NSD3: variants seen among roughly 807,000 people sequenced by gnomAD.
The protein encoded by NSD3 is nuclear receptor binding SET domain protein 3, also known as histone-lysine N-methyltransferase NSD3.
In NSD3, 24 loss-of-function variants were observed where a neutral mutation model predicts 160.8. The observed-to-expected ratio is 0.15, with a 90% confidence interval of 0.11 to 0.21. NSD3 has a LOEUF of 0.21. Ranked by LOEUF, NSD3 falls within the 10% of genes least tolerant of loss-of-function variation. The pLI is 1.00. For synonymous variants in NSD3, 520 were observed against 600.0 expected (o/e 0.87, Z 1.95); for missense variants, 1,157 against 1,735.9 (o/e 0.67, Z 5.93).
chr8:38,334,502 C>A (rs1810158058), intron 4 of NSD3, among the ~76,000 whole-genome samples: 1 of 152,144 alleles, frequency 6.6e-6, no homozygotes, highest in African/African-American at 2.4e-5. Context: ...CGCCTTTAAT[C>A]CCAGCACTTT....
Position 38,318,073 on chromosome 8 carries a change from T to C in NSD3, c.1855+822A>G. 1 of 1,613,168 alleles carries C rather than the reference T, an allele frequency of 6.2e-7. No individual in the cohort carries two copies. The highest frequency in any genetic ancestry group is 8.5e-7 in the Non-Finnish European group (1 of 1,179,572). On this transcript the variant is annotated intron_variant, in intron 9 of 23. Transcript: ENST00000317025. This position sits in a 1 kb window ranked among gnomAD's most constrained non-coding sequence, Gnocchi z 5.3. Reference sequence around the variant, plus strand: ...GGTGGAAACACAACGCAATCAGGCCTCCTAATCTCGCAGCGATCGCGATGT... The same window carrying C: ...GGTGGAAACACAACGCAATCAGGCCCCCTAATCTCGCAGCGATCGCGATGT...
chr8:38,347,004 T>C (rs941283248), intron 2 of NSD3, among the ~76,000 whole-genome samples: 9 of 152,350 alleles, frequency 5.9e-5, no homozygotes, highest in African/African-American at 2.2e-4. Context: ...ATGACTTTTA[T>C]AAAAACTCAC....
chr8:38,275,545 T>C lies in NSD3; in HGVS notation c.*96A>G, dbSNP rs1381215593. ...TTTTGCTTTAATAAGGCAGTTCCGA[T>C]GGCAAAGGCTGTATGCACTGTAGCA... On this transcript the variant is annotated 3_prime_UTR_variant, in exon 24 of 24. Transcript: ENST00000317025. The C allele has an allele frequency of 3.2e-6, 4 of 1,235,146 alleles. No individual in the cohort carries two copies. The highest frequency in any genetic ancestry group is 2.7e-5 in the Admixed American group (1 of 36,538). 76.5% of individuals were successfully genotyped at this position (1,235,146 alleles called of 1,614,324 possible). A position where few individuals can be genotyped will look rare whatever the true frequency, so the allele number is the denominator to read the frequency against.
intron 5 of NSD3, 118 bp from the exon 6 acceptor site, chr8:38,330,011 CTT>C (rs1810015770): frequency 8.1e-7 from 1 of 1,240,904 alleles, no homozygotes; most frequent in African/African-American, 1.5e-5. Context: ...TCTTCAGGTT[CTT>C]TGGTCAAACA....
chr8:38,353,229 T>C (rs992935280), intron 1 of NSD3, among the ~76,000 whole-genome samples: 1 of 152,204 alleles, frequency 6.6e-6, no homozygotes, highest in African/African-American at 2.4e-5. Context: ...TTGATTAGCA[T>C]ACCATATTTA....
At chr8:38,299,843 G>C in intron 14 of NSD3, 1 of 328,802 alleles carries the variant, frequency 3.0e-6, no homozygotes, top group Non-Finnish European at 5.4e-6. Flanking sequence ...CAAATAATTT[G>C]AAGATATAAA....
chr8:38,276,168 C>A, intron 23 of NSD3, 128 bp downstream of exon 23: 3 of 1,097,718 alleles, frequency 2.7e-6, no homozygotes, highest in Non-Finnish European at 3.9e-6. Flanking sequence ...AAGATTTTTG[C>A]CAGCGTAATT....
chr8:38,310,174 T>TACCC (rs1461011262), intron 12 of NSD3, among the ~76,000 whole-genome samples: 1 of 152,200 alleles, frequency 6.6e-6, no homozygotes, highest in Admixed American at 6.5e-5. Flanking sequence ...TGAAACTTGG[T>TACCC]ACCCATTAAA....
chr8:38,283,366 CTTATT>C (rs955632147), intron 19 of NSD3, among the ~76,000 whole-genome samples: 10 of 151,800 alleles, frequency 6.6e-5, no homozygotes, highest in African/African-American at 2.4e-4. Flanking sequence ...AAGGTATTGG[CTTATT>C]TTATCAGATT....
chr8:38,340,825 A>G (rs1297694719), intron 2 of NSD3, among the ~76,000 whole-genome samples: 2 of 152,226 alleles, frequency 1.3e-5, no homozygotes, highest in Non-Finnish European at 2.9e-5. Context: ...ACAGCTGGGC[A>G]GGAGAGACTG....
intron 3 of NSD3, among the ~76,000 whole-genome samples, chr8:38,338,143 T>A (rs1024251296): frequency 6.6e-6 from 1 of 151,730 alleles, no homozygotes; most frequent in African/African-American, 2.4e-5. Flanking sequence ...CTACTAAAAA[T>A]ACAAAAATTA....
intron 1 of NSD3, among the ~76,000 whole-genome samples, chr8:38,357,591 A>G (rs974930887): frequency 6.6e-6 from 1 of 152,152 alleles, no homozygotes; most frequent in Non-Finnish European, 1.5e-5. Context: ...GTAGTCACTT[A>G]AGCTCTAAGT....
chr8:38,276,203 A>G (rs1446305307), intron 23 of NSD3, 93 bp downstream of exon 23: 7 of 1,388,822 alleles, frequency 5.0e-6, no homozygotes, highest in Non-Finnish European at 6.0e-6. Context: ...GTTCTATTCA[A>G]CATTTCCTAT....
At chr8:38,355,294 G>A (rs1163995098) in intron 1 of NSD3, among the ~76,000 whole-genome samples, 1 of 152,040 alleles carries the variant, frequency 6.6e-6, no homozygotes, top group African/African-American at 2.4e-5. Context: ...TAAGAATTAA[G>A]AGTTAATCCA....
At chr8:38,367,775 T>C (rs1811140053) in intron 1 of NSD3, among the ~76,000 whole-genome samples, 2 of 152,156 alleles carry the variant, frequency 1.3e-5, no homozygotes, top group Non-Finnish European at 2.9e-5. Context: ...TTATTTAAGA[T>C]GACCATTATT....
At chr8:38,345,119 C>T (rs1011751682) in intron 2 of NSD3, among the ~76,000 whole-genome samples, 11 of 152,180 alleles carry the variant, frequency 7.2e-5, no homozygotes, top group African/African-American at 1.4e-4. Flanking sequence ...CAACTGCCCC[C>T]GTGTGTGATA....
At chr8:38,374,970 C>CTCCA (rs1811353087) in intron 1 of NSD3, among the ~76,000 whole-genome samples, 1 of 151,998 alleles carries the variant, frequency 6.6e-6, no homozygotes, top group South Asian at 2.1e-4. Flanking sequence ...CGCCCCTGCA[C>CTCCA]TCCAGCCTGG....
intron 12 of NSD3, among the ~76,000 whole-genome samples, chr8:38,310,110 T>G (rs1158867483): frequency 6.6e-6 from 1 of 152,224 alleles, no homozygotes; most frequent in East Asian, 1.9e-4. Flanking sequence ...TAGCATTAAG[T>G]ACATTCACAT....
intron 1 of NSD3, among the ~76,000 whole-genome samples, chr8:38,354,120 C>T (rs550860169): frequency 6.6e-6 from 1 of 152,324 alleles, no homozygotes; most frequent in African/African-American, 2.4e-5. Context: ...TGATTCTTCC[C>T]TCTTTGTTAA....
Sources: gnomAD v4.1 joint callset for allele counts (sites outside exome capture counted in the v4.1 genomes callset) on GRCh38, gnomAD v4.1.1 for gene constraint, Gnocchi (gnomAD v3.1) non-coding constraint, MANE v1.5 for transcripts, NCBI Gene and HGNC (gene_info 2026-07-23, HGNC 2026-07-21) for gene names.